HIKESHI: variants seen among roughly 807,000 people sequenced by gnomAD.
The protein encoded by HIKESHI is heat shock protein nuclear import factor hikeshi, also known as protein Hikeshi.
In HIKESHI, 13 loss-of-function variants were observed where a neutral mutation model predicts 25.7. The observed-to-expected ratio is 0.51, with a 90% CI of 0.33 to 0.80. The LOEUF is 0.80. Ranked by LOEUF, HIKESHI falls within the 30% of genes least tolerant of loss-of-function variation. The pLI is 0.02. For synonymous variants in HIKESHI, 76 were observed against 78.7 expected (o/e 0.97, Z 0.18); for missense variants, 174 against 229.5 (o/e 0.76, Z 1.56).
At chr11:86,318,303 C>CAACAAAAAAAAAAAAAAAAAAAAAAA (rs1947046157) in intron 2 of HIKESHI, among the ~76,000 whole-genome samples, 1 of 35,680 alleles carries the variant, frequency 2.8e-5, no homozygotes, top group Non-Finnish European at 5.2e-5. Flanking sequence ...GACTCCGTCT[C>CAACAAAAAAAAAAAAAAAAAAAAAAA]AAAAAAAAAA....
chr11:86,336,812 T>C (rs1297963541), intron 2 of HIKESHI, among the ~76,000 whole-genome samples: 2 of 152,010 alleles, frequency 1.3e-5, no homozygotes, highest in African/African-American at 4.8e-5. Flanking sequence ...AAAGAGAGAA[T>C]GTTGAAAGCA....
In HIKESHI at chr11:86,335,272, C is replaced by T. The variant is rs117161764; in HGVS notation, c.269-2107C>T. On this transcript the variant is annotated intron_variant, in intron 2 of 4. Coordinates refer to ENST00000278483, the MANE Select transcript of HIKESHI (RefSeq NM_016401.4). ...CTTGGAACTCTTCATGGAAAAGTATCTACCTTGGGGGTGTTTGTTAAAAGT... is the reference window on the plus strand; with the variant it reads ...CTTGGAACTCTTCATGGAAAAGTATTTACCTTGGGGGTGTTTGTTAAAAGT... Among the ~76,000 whole-genome samples, 501 of 152,270 alleles carry T rather than the reference C, an allele frequency of 3.3e-3. 2 individuals carry two copies. The highest frequency in any genetic ancestry group is 5.9e-3 in the Non-Finnish European group (403 of 68,010).
At chr11:86,308,416 G>A (rs1946739964) in intron 2 of HIKESHI, among the ~76,000 whole-genome samples, 1 of 145,116 alleles carries the variant, frequency 6.9e-6, no homozygotes. Flanking sequence ...CACGTGCTAA[G>A]TGAGAAGATA....
chr11:86,302,780 A>G (rs1395876704), intron 1 of HIKESHI, among the ~76,000 whole-genome samples: 1 of 152,208 alleles, frequency 6.6e-6, no homozygotes, highest in Non-Finnish European at 1.5e-5. Flanking sequence ...CTTATTTGGC[A>G]CTTTGAACTT....
chr11:86,302,535 TA>T, intron 1 of HIKESHI, 57 bp downstream of exon 1: 2 of 1,533,412 alleles, frequency 1.3e-6, no homozygotes, highest in Non-Finnish European at 1.8e-6. Context: ...GGCGAAGCCC[TA>T]CGGCAGGGAG....
chr11:86,318,303 C>CA (rs71040230), intron 2 of HIKESHI, among the ~76,000 whole-genome samples: 2,037 of 35,552 alleles, frequency 0.057, 347 homozygotes, highest in African/African-American at 0.095. Context: ...GACTCCGTCT[C>CA]AAAAAAAAAA....
chr11:86,315,739 T>G (rs1471590927), intron 2 of HIKESHI, among the ~76,000 whole-genome samples: 1 of 152,126 alleles, frequency 6.6e-6, no homozygotes, highest in Non-Finnish European at 1.5e-5. Flanking sequence ...TAAGAGGAAG[T>G]TGAACCCAGA....
At chr11:86,323,204 C>T in intron 2 of HIKESHI, among the ~76,000 whole-genome samples, 1 of 151,516 alleles carries the variant, frequency 6.6e-6, no homozygotes, top group South Asian at 2.1e-4. Flanking sequence ...GCACTCCAGC[C>T]TGGGGGACAG....
intron 3 of HIKESHI, 84 bp downstream of exon 3, chr11:86,337,614 G>T: frequency 2.3e-6 from 3 of 1,320,626 alleles, no homozygotes; most frequent in Non-Finnish European, 3.1e-6. Flanking sequence ...CGTAACTTAG[G>T]GTATACAATG....
At chr11:86,323,057 AT>A (rs1947189288) in intron 2 of HIKESHI, among the ~76,000 whole-genome samples, 1 of 152,146 alleles carries the variant, frequency 6.6e-6, no homozygotes, top group African/African-American at 2.4e-5. Context: ...AGCAAAACCC[AT>A]CTCTACAAAA....
rs1946511476 is a variant in HIKESHI at position 86,302,247 on chromosome 11, G to A, written c.-202G>A. The A allele has an allele frequency of 1.6e-6, 1 of 607,870 alleles. No individual in the cohort carries two copies. The highest frequency in any genetic ancestry group is 2.6e-5 in the Admixed American group (1 of 38,110). 37.7% of individuals were successfully genotyped at this position (607,870 alleles called of 1,614,324 possible). On this transcript the variant is annotated 5_prime_UTR_variant, in exon 1 of 5. Coordinates refer to ENST00000278483, the MANE Select transcript of HIKESHI (RefSeq NM_016401.4). ...TAAGCCCCGGAAGTACTTGTTGCCTGAGCAGTGGGCTGCTTAGGAAGAGAA... is the reference window on the plus strand; with the variant it reads ...TAAGCCCCGGAAGTACTTGTTGCCTAAGCAGTGGGCTGCTTAGGAAGAGAA...
At chr11:86,345,456 CT>C (rs1457248811) in intron 4 of HIKESHI, 127 bp from the exon 5 acceptor site, 92 of 591,780 alleles carry the variant, frequency 1.6e-4, no homozygotes, top group East Asian at 1.4e-3. Context: ...TCCAGATTAT[CT>C]TTTTAGATTT....
intron 2 of HIKESHI, among the ~76,000 whole-genome samples, chr11:86,335,557 G>A (rs1421132539): frequency 6.6e-6 from 1 of 152,306 alleles, no homozygotes; most frequent in East Asian, 1.9e-4. Flanking sequence ...GAAGACTAAG[G>A]TGGAGTTATA....
chr11:86,342,042 C>G (rs574348888), intron 3 of HIKESHI, among the ~76,000 whole-genome samples: 89 of 142,858 alleles, frequency 6.2e-4, no homozygotes, highest in African/African-American at 2.1e-3. Flanking sequence ...ATTTATCAGA[C>G]CTTTAAAATT....
At chr11:86,330,729 A>G (rs1242421221) in intron 2 of HIKESHI, among the ~76,000 whole-genome samples, 1 of 152,170 alleles carries the variant, frequency 6.6e-6, no homozygotes, top group African/African-American at 2.4e-5. Context: ...ATTTTCTTCT[A>G]GTTCTATATT....
intron 2 of HIKESHI, among the ~76,000 whole-genome samples, chr11:86,307,113 T>C (rs963054295): frequency 2.4e-5 from 3 of 122,848 alleles, no homozygotes; most frequent in Non-Finnish European, 4.9e-5. Flanking sequence ...ATGTATCAAA[T>C]ATATATTATG....
intron 2 of HIKESHI, among the ~76,000 whole-genome samples, chr11:86,311,562 A>C (rs1593815612): frequency 6.6e-6 from 1 of 152,104 alleles, no homozygotes; most frequent in African/African-American, 2.4e-5. Context: ...TATCTCCTTC[A>C]GTTCTGCTCT....
At chr11:86,319,842 G>A (rs566837434) in intron 2 of HIKESHI, among the ~76,000 whole-genome samples, 37 of 152,192 alleles carry the variant, frequency 2.4e-4, no homozygotes, top group African/African-American at 7.9e-4. Context: ...TTTCCACCAG[G>A]AAGTACATAT....
intron 2 of HIKESHI, 90 bp from the exon 3 acceptor site, chr11:86,337,289 A>AT (rs1775161279): frequency 7.8e-7 from 1 of 1,276,462 alleles, no homozygotes; most frequent in Non-Finnish European, 1.1e-6. Context: ...TTTCATGTAT[A>AT]TAAATTAGAG....
Sources: gnomAD v4.1 joint callset for allele counts (sites outside exome capture counted in the v4.1 genomes callset) on GRCh38, gnomAD v4.1.1 for gene constraint, MANE v1.5 for transcripts, NCBI Gene and HGNC (gene_info 2026-07-23, HGNC 2026-07-21) for gene names.